The following IFNGR2 variants were observed in gnomAD, a reference collection of about 807,000 sequenced individuals.
IFNGR2 encodes interferon gamma receptor 2, also known as IFN-gamma receptor 2.
Under a neutral mutation model 41.1 loss-of-function variants are expected in IFNGR2, and 15 were observed. The observed-to-expected ratio is 0.37, with a 90% CI of 0.24 to 0.56. The LOEUF (loss-of-function observed/expected upper bound fraction) is 0.56, where lower values mean the gene tolerates loss of function less well. Ranked by LOEUF, IFNGR2 falls within the 20% of genes least tolerant of loss-of-function variation. The probability of loss-of-function intolerance (pLI) is 0.81; values close to 1 mark genes in which losing one functional copy is unlikely to be tolerated. For synonymous variants in IFNGR2, 161 were observed against 171.6 expected (o/e 0.94, Z 0.48); for missense variants, 362 against 415.7 (o/e 0.87, Z 1.12).
At chr21:33,404,109 CGGCG>C (rs2083660848) in intron 1 of IFNGR2, among the ~76,000 whole-genome samples, 1 of 152,278 alleles carries the variant, frequency 6.6e-6, no homozygotes, top group African/African-American at 2.4e-5. Flanking sequence ...TCCAGGGCTC[CGGCG>C]GGGGCCGCCT....
chr21:33,404,298 G>A (rs999016634), intron 1 of IFNGR2, among the ~76,000 whole-genome samples: 3 of 152,236 alleles, frequency 2.0e-5, no homozygotes, highest in African/African-American at 4.8e-5. Flanking sequence ...CCGAGGGCAT[G>A]TTTGACACTG....
intron 3 of IFNGR2, among the ~76,000 whole-genome samples, chr21:33,424,805 G>A (rs748033227): frequency 1.1e-4 from 17 of 152,142 alleles, no homozygotes; most frequent in Admixed American, 9.8e-4. Context: ...GCAGTGGAGC[G>A]ATCTCAGTTC....
chr21:33,414,387 G>A (rs775833287), intron 1 of IFNGR2, among the ~76,000 whole-genome samples: 5 of 152,338 alleles, frequency 3.3e-5, no homozygotes, highest in Admixed American at 6.5e-5. Context: ...ACGTGTGCAC[G>A]TATTTGCGGA....
At chr21:33,431,279 C>A (rs1416006120) in intron 4 of IFNGR2, among the ~76,000 whole-genome samples, 1 of 152,184 alleles carries the variant, frequency 6.6e-6, no homozygotes, top group Non-Finnish European at 1.5e-5. Flanking sequence ...CCGTGAGATA[C>A]AAAATGTTGG....
At chr21:33,414,379 G>A (rs1367341633) in intron 1 of IFNGR2, among the ~76,000 whole-genome samples, 1 of 152,218 alleles carries the variant, frequency 6.6e-6, no homozygotes, top group African/African-American at 2.4e-5. Context: ...GTGTGTGCAC[G>A]TGTGCACGTA....
At chr21:33,424,465 C>T (rs2083819469) in intron 3 of IFNGR2, among the ~76,000 whole-genome samples, 1 of 152,186 alleles carries the variant, frequency 6.6e-6, no homozygotes, top group Non-Finnish European at 1.5e-5. Context: ...CTGCTGTTCT[C>T]TGCCCTCGTG....
At chr21:33,426,818 A>G (rs2083840346) in intron 3 of IFNGR2, 66 bp from the exon 4 acceptor site, 1 of 1,122,858 alleles carries the variant, frequency 8.9e-7, no homozygotes, top group Non-Finnish European at 1.3e-6. Context: ...ATTATATAAT[A>G]CATTGTATTA....
Position 33,426,974 on chromosome 21 carries a change from C to G in IFNGR2, c.503C>G (p.Thr168Ser). ...TCCTCTCCCTTTGACATCGCTGATACCTCCACGGCCTTTTTTTGTTATTAT... is the reference window on the plus strand; with the variant it reads ...TCCTCTCCCTTTGACATCGCTGATAGCTCCACGGCCTTTTTTTGTTATTAT... ...RFSSPFDIAD[T>S]STAFFCYYVH... is the part of the protein sequence containing the mutation. Residue 168 changes from threonine (T) to serine (S), a missense_variant, in exon 4 of 7, where the codon ACC becomes AGC. Coordinates refer to ENST00000290219, the MANE Select transcript of IFNGR2 (RefSeq NM_005534.4). 1 of 1,613,436 alleles carries G rather than the reference C, an allele frequency of 6.2e-7. No homozygotes were observed. The highest frequency in any genetic ancestry group is 8.5e-7 in the Non-Finnish European group (1 of 1,179,494).
At chr21:33,420,123 GA>G (rs1453610498) in intron 2 of IFNGR2, among the ~76,000 whole-genome samples, 1 of 152,138 alleles carries the variant, frequency 6.6e-6, no homozygotes, top group African/African-American at 2.4e-5. Context: ...CACGCATCTT[GA>G]AGTGGCTTTC....
At chr21:33,425,109 G>A (rs768061986) in intron 3 of IFNGR2, among the ~76,000 whole-genome samples, 2 of 152,082 alleles carry the variant, frequency 1.3e-5, no homozygotes, top group African/African-American at 2.4e-5. Context: ...TAGTAGAAAC[G>A]GCATTTCTCC....
Position 33,414,962 on chromosome 21 carries a change from G to A in IFNGR2, c.148G>A (p.Glu50Lys). Residue 50 changes from glutamate (E) to lysine (K), a missense_variant, in exon 2 of 7, where the codon GAG becomes AAG. Glu to Lys is a moderately conservative substitution (Grantham distance 56). Coordinates refer to ENST00000290219, the MANE Select transcript of IFNGR2 (RefSeq NM_005534.4). ...CAACGCAGAGCAGGTCCTGAGTTGG[G>A]AGCCAGTGGCCCTGAGCAATAGCAC... The part of the protein sequence containing the change: ...LYNAEQVLSW[E>K]PVALSNSTRP... The A allele has an allele frequency of 1.2e-6, 2 of 1,614,138 alleles. No homozygotes were observed. Among genetic ancestry groups the A allele is most frequent in the South Asian group, 1.1e-5 (1 of 91,078 alleles).
chr21:33,413,838 T>C (rs1157443442), intron 1 of IFNGR2, among the ~76,000 whole-genome samples: 1 of 137,780 alleles, frequency 7.3e-6, no homozygotes, highest in African/African-American at 2.8e-5. Context: ...TTTTTTTTTT[T>C]TTTTTTTTTT....
intron 1 of IFNGR2, among the ~76,000 whole-genome samples, chr21:33,410,673 G>A (rs985504149): frequency 2.0e-5 from 3 of 151,860 alleles, no homozygotes; most frequent in Non-Finnish European, 4.4e-5. Context: ...TCACCATGTT[G>A]GCCAGGCTGG....
chr21:33,424,254 T>C (rs1213652201), intron 3 of IFNGR2, among the ~76,000 whole-genome samples: 1 of 151,642 alleles, frequency 6.6e-6, no homozygotes, highest in Admixed American at 6.6e-5. Flanking sequence ...TGGGCCAAGA[T>C]GACACCATTG....
At chr21:33,407,841 A>G (rs963166697) in intron 1 of IFNGR2, among the ~76,000 whole-genome samples, 1 of 54,166 alleles carries the variant, frequency 1.8e-5, no homozygotes, top group African/African-American at 7.4e-5. Context: ...AGTGATCCCC[A>G]CCGCACCCCC....
chr21:33,426,892 G>A lies in IFNGR2; in HGVS notation c.421G>A (p.Gly141Arg), dbSNP rs1196094724. The A allele has an allele frequency of 1.2e-6, 2 of 1,612,510 alleles. No individual in the cohort carries two copies. Among genetic ancestry groups the A allele is most frequent in the Non-Finnish European group, 1.7e-6 (2 of 1,179,636 alleles). ...WFQHYRNVTV[G>R]PPENIEVTPG... ...TTGTAATTCTTTTTCAGTGACTGTC[G>A]GGCCTCCAGAAAACATTGAGGTGAC... is the stretch of plus-strand genomic sequence containing the variant. The change falls in exon 4 of 7, where the codon GGG becomes AGG. Residue 141 changes from glycine (G) to arginine (R), a missense_variant. Coordinates refer to ENST00000290219, the MANE Select transcript of IFNGR2 (RefSeq NM_005534.4).
intron 5 of IFNGR2, 179 bp downstream of exon 5, chr21:33,432,515 C>T (rs920953763): frequency 3.6e-6 from 3 of 834,878 alleles, no homozygotes; most frequent in Non-Finnish European, 6.0e-6. Context: ...GGCTACCAGA[C>T]AGCTACCACT....
chr21:33,427,878 G>A (rs1482420563), intron 4 of IFNGR2, among the ~76,000 whole-genome samples: 24 of 94,868 alleles, frequency 2.5e-4, no homozygotes, highest in Admixed American at 6.5e-4. Flanking sequence ...CTGGAGTTTC[G>A]CTCTTGATGC....
At chr21:33,422,565 A>G (rs192848464) in intron 3 of IFNGR2, among the ~76,000 whole-genome samples, 9 of 152,304 alleles carry the variant, frequency 5.9e-5, no homozygotes, top group South Asian at 4.1e-4. Context: ...TTTTACCACA[A>G]TAAAAAATTG....
Sources: allele counts gnomAD v4.1 joint callset (sites outside exome capture counted in the v4.1 genomes callset), GRCh38; gene constraint gnomAD v4.1.1; transcripts MANE v1.5; gene names NCBI Gene and HGNC (gene_info 2026-07-23, HGNC 2026-07-21).